GRID1: variants seen among roughly 807,000 people sequenced by gnomAD.
GRID1 encodes glutamate receptor ionotropic, delta-1.
In GRID1, 28 loss-of-function variants were observed where a neutral mutation model predicts 98.0. The observed-to-expected ratio is 0.29, with a 90% CI of 0.21 to 0.39. The LOEUF is 0.39. Ranked by LOEUF, GRID1 falls within the 10% of genes least tolerant of loss-of-function variation. The pLI is 1.00. For synonymous variants in GRID1, 553 were observed against 538.5 expected (o/e 1.03, Z -0.37); for missense variants, 1,111 against 1,340.5 (o/e 0.83, Z 2.67).
chr10:85,873,843 G>A (rs555284999), intron 5 of GRID1, among the ~76,000 whole-genome samples: 8 of 152,300 alleles, frequency 5.3e-5, no homozygotes, highest in African/African-American at 9.6e-5. Context: ...AACAAGCAAC[G>A]TCTCTGGGTA....
At chr10:85,626,524 AT>A (rs905595152) in intron 13 of GRID1, among the ~76,000 whole-genome samples, 2 of 152,236 alleles carry the variant, frequency 1.3e-5, no homozygotes, top group Non-Finnish European at 2.9e-5. Context: ...AAGGGAGGAC[AT>A]GGGGTCTGCC....
Position 86,206,695 on chromosome 10 carries a change from GC to G in GRID1, c.236-48del, listed in dbSNP as rs1428578791. 13 of 1,545,162 alleles carry G rather than the reference GC, an allele frequency of 8.4e-6. No individual in the cohort carries two copies. The highest frequency in any genetic ancestry group is 1.1e-5 in the Non-Finnish European group (13 of 1,132,610). ...AGGAAGGGGTCAGCATCAGGGCGAT[GC>G]TGCACCAGCTTCAACCTGCAGGCCC... On this transcript the variant is annotated intron_variant, in intron 2 of 15. Transcript: ENST00000327946. The surrounding 1 kb of genome is among the most constrained non-coding windows in gnomAD (Gnocchi z 4.1).
At chr10:85,899,921 C>T (rs1266886574) in intron 5 of GRID1, among the ~76,000 whole-genome samples, 4 of 152,218 alleles carry the variant, frequency 2.6e-5, no homozygotes, top group Admixed American at 1.3e-4. Flanking sequence ...AGTTAAACTG[C>T]CTCCTCACTT....
intron 4 of GRID1, among the ~76,000 whole-genome samples, chr10:85,943,491 A>C (rs1290097638): frequency 1.3e-5 from 2 of 152,198 alleles, no homozygotes; most frequent in African/African-American, 2.4e-5. Context: ...AAAATACCAT[A>C]AAGCAAAAAG....
chr10:86,098,309 G>A (rs1844249829), intron 4 of GRID1, among the ~76,000 whole-genome samples: 1 of 152,156 alleles, frequency 6.6e-6, no homozygotes. Flanking sequence ...ATCTTACATA[G>A]TTGTAATAAA....
intron 8 of GRID1, among the ~76,000 whole-genome samples, chr10:85,827,102 G>A (rs61131091): frequency 0.017 from 2,569 of 152,202 alleles, 65 homozygotes; most frequent in African/African-American, 0.055. Context: ...GCACTGGTTC[G>A]CCAGCAATGG....
chr10:86,064,770 G>A (rs951274894), intron 4 of GRID1, among the ~76,000 whole-genome samples: 19 of 152,140 alleles, frequency 1.2e-4, no homozygotes, highest in African/African-American at 4.3e-4. Context: ...CTTATTCCAG[G>A]CATTTGCACC....
intron 2 of GRID1, among the ~76,000 whole-genome samples, chr10:86,251,037 C>A (rs1157632389): frequency 6.6e-6 from 1 of 152,172 alleles, no homozygotes; most frequent in Non-Finnish European, 1.5e-5. Flanking sequence ...TAATCTATAA[C>A]CTTACCCCCA....
rs555547698 is a variant in GRID1 at position 86,100,711 on chromosome 10, T to C, written c.726+38108A>G. 1.0e-3 allele frequency among the ~76,000 whole-genome samples: 157 copies of C among 152,292 alleles called. 2 individuals are homozygous for C. The highest frequency in any genetic ancestry group is 3.4e-3 in the Middle Eastern group (1 of 294). ...GCACAGCTTGACTTGCTGTAGCCAATGGGATGTTAACTGGCATAGCACAAG... is the reference window on the plus strand; with the variant it reads ...GCACAGCTTGACTTGCTGTAGCCAACGGGATGTTAACTGGCATAGCACAAG... On this transcript the variant is annotated intron_variant, in intron 4 of 15. Transcript: ENST00000327946.
chr10:85,754,691 T>TA (rs1002201317), intron 8 of GRID1, among the ~76,000 whole-genome samples: 1 of 152,206 alleles, frequency 6.6e-6, no homozygotes, highest in African/African-American at 2.4e-5. Context: ...TTCCTTGACT[T>TA]ACATCCAGTG....
chr10:85,659,200 C>T (rs1453691328), intron 12 of GRID1, among the ~76,000 whole-genome samples: 1 of 152,242 alleles, frequency 6.6e-6, no homozygotes, highest in Non-Finnish European at 1.5e-5. Flanking sequence ...CATAAATGTG[C>T]ACACCTGTTC....
At chr10:85,974,699 C>T (rs139898930) in intron 4 of GRID1, among the ~76,000 whole-genome samples, 3 of 152,344 alleles carry the variant, frequency 2.0e-5, no homozygotes, top group African/African-American at 7.2e-5. Flanking sequence ...CCAGTCAGTG[C>T]TCCACCACTT....
rs141883690 is a variant in GRID1 at position 86,244,112 on chromosome 10, A to G, written c.236-37464T>C. ...CTCTTCCTCAATTGGGGGCATAATC[A>G]GGGTGAGGGCTGATAGTGGGACCTG... On this transcript the variant is annotated intron_variant, in intron 2 of 15. Coordinates refer to ENST00000327946, the MANE Select transcript of GRID1 (RefSeq NM_017551.3). Among the ~76,000 whole-genome samples, 337 of 152,340 alleles carry G rather than the reference A, an allele frequency of 2.2e-3. 1 individual carries two copies. The highest frequency in any genetic ancestry group is 7.6e-3 in the African/African-American group (314 of 41,582).
At chr10:86,064,069 G>A (rs967489860) in intron 4 of GRID1, among the ~76,000 whole-genome samples, 8 of 151,758 alleles carry the variant, frequency 5.3e-5, no homozygotes, top group East Asian at 3.9e-4. Context: ...TAAATTGTTC[G>A]TTTTTTTTCC....
intron 2 of GRID1, among the ~76,000 whole-genome samples, chr10:86,333,981 G>T (rs1166511133): frequency 6.6e-6 from 1 of 152,130 alleles, no homozygotes; most frequent in Non-Finnish European, 1.5e-5. Flanking sequence ...CAACCCACTA[G>T]CACTAGATGC....
intron 4 of GRID1, among the ~76,000 whole-genome samples, chr10:86,061,963 A>T (rs535847714): frequency 6.6e-6 from 1 of 152,302 alleles, no homozygotes; most frequent in South Asian, 2.1e-4. Context: ...AGAAACTAAG[A>T]GCCCATGACT....
intron 8 of GRID1, among the ~76,000 whole-genome samples, chr10:85,761,941 G>C (rs909453904): frequency 2.0e-4 from 30 of 152,172 alleles, no homozygotes; most frequent in Non-Finnish European, 4.3e-4. Context: ...CTTAAGACAG[G>C]GAAACATTGT....
intron 8 of GRID1, among the ~76,000 whole-genome samples, chr10:85,794,358 C>CGGTGCTAAA (rs1842506867): frequency 2.0e-5 from 3 of 152,144 alleles, no homozygotes. Flanking sequence ...CTCAGAGCAT[C>CGGTGCTAAA]GGTGCTAAAG....
At chr10:86,161,929 C>G (rs771244523) in intron 3 of GRID1, among the ~76,000 whole-genome samples, 1 of 152,166 alleles carries the variant, frequency 6.6e-6, no homozygotes, top group Non-Finnish European at 1.5e-5. Flanking sequence ...GGCAGAAAAA[C>G]AAGTGTGTTG....
Sources: allele counts gnomAD v4.1 joint callset (sites outside exome capture counted in the v4.1 genomes callset), GRCh38; gene constraint gnomAD v4.1.1; non-coding constraint Gnocchi (gnomAD v3.1); transcripts MANE v1.5; gene names NCBI Gene and HGNC (gene_info 2026-07-23, HGNC 2026-07-21).